The following KCND3 variants were observed in gnomAD, a reference collection of about 807,000 sequenced individuals.
KCND3 encodes the protein A-type voltage-gated potassium channel KCND3.
Under a neutral mutation model 51.1 loss-of-function variants are expected in KCND3, and 9 were observed. The ratio of observed to expected loss-of-function variants is 0.18; its 90% CI spans 0.11 to 0.31. KCND3 has a LOEUF of 0.31. Among genes scored for constraint, KCND3 ranks in the 10% least tolerant of loss-of-function variants. The pLI, the probability that KCND3 is intolerant of heterozygous loss-of-function variation, is 1.00. For synonymous variants in KCND3, 349 were observed against 368.0 expected, an observed-to-expected ratio of 0.95 and a Z score of 0.59; for missense variants, 526 against 903.8, an observed-to-expected ratio of 0.58 and a Z score of 5.36.
At chr1:111,923,450 G>C (rs536642633) in intron 2 of KCND3, among the ~76,000 whole-genome samples, 3 of 152,128 alleles carry the variant, frequency 2.0e-5, no homozygotes, top group Non-Finnish European at 4.4e-5. Flanking sequence ...ACTTCCTCTG[G>C]TTCTCCAACA....
In KCND3 at chr1:111,926,794, G is replaced by A. The variant is rs532134510; in HGVS notation, c.1106+54827C>T. 1.3e-3 allele frequency among the ~76,000 whole-genome samples: 195 copies of A among 152,370 alleles called. 2 individuals carry two copies. Among genetic ancestry groups the A allele is most frequent in the Middle Eastern group, 3.4e-3 (1 of 294 alleles). On this transcript the variant is annotated intron_variant, in intron 2 of 7. Transcript: ENST00000302127. Reference sequence around the variant, plus strand: ...GCTCGGGGCTGACGCAGGCAGCTGCGCGCACCTCACTGCTAGATCGTCAGC... The same window carrying A: ...GCTCGGGGCTGACGCAGGCAGCTGCACGCACCTCACTGCTAGATCGTCAGC...
chr1:111,936,196 G>A (rs1485035043), intron 2 of KCND3, among the ~76,000 whole-genome samples: 4 of 152,164 alleles, frequency 2.6e-5, no homozygotes, highest in Non-Finnish European at 4.4e-5. Flanking sequence ...CTGTGTCCGT[G>A]GGGAGCTTGC....
chr1:111,988,678 C>T (rs1675435841), intron 1 of KCND3: 2 of 152,208 alleles, frequency 1.3e-5, no homozygotes, highest in South Asian at 4.2e-4. Context: ...CATGCCTGGT[C>T]TTACAAACAG....
intron 2 of KCND3, among the ~76,000 whole-genome samples, chr1:111,861,566 G>A (rs565022968): frequency 1.4e-4 from 22 of 152,276 alleles, no homozygotes; most frequent in South Asian, 1.2e-3. Context: ...CTGTGTTTAC[G>A]GAGGGAAGCG....
chr1:111,874,494 C>T (rs1398819364), intron 2 of KCND3, among the ~76,000 whole-genome samples: 1 of 152,144 alleles, frequency 6.6e-6, no homozygotes, highest in African/African-American at 2.4e-5. Flanking sequence ...GGGCAGATCT[C>T]CATCTCGGGA....
intron 2 of KCND3, among the ~76,000 whole-genome samples, chr1:111,792,638 T>A (rs1323708011): frequency 6.6e-6 from 1 of 152,198 alleles, no homozygotes; most frequent in Non-Finnish European, 1.5e-5. Flanking sequence ...ACCTTGGCCA[T>A]GATACTTAAA....
intron 2 of KCND3, among the ~76,000 whole-genome samples, chr1:111,895,948 A>G (rs1670089298): frequency 6.6e-6 from 1 of 152,270 alleles, no homozygotes; most frequent in Non-Finnish European, 1.5e-5. Context: ...GAAGAAGTTC[A>G]GGAAGCAGTT....
At chr1:111,835,959 T>C (rs565998014) in intron 2 of KCND3, among the ~76,000 whole-genome samples, 1 of 152,360 alleles carries the variant, frequency 6.6e-6, no homozygotes, top group Admixed American at 6.5e-5. Flanking sequence ...TCAGAACCCC[T>C]TTCTGGTAAC....
intron 2 of KCND3, among the ~76,000 whole-genome samples, chr1:111,794,211 T>G (rs1320765116): frequency 5.3e-5 from 8 of 152,238 alleles, no homozygotes; most frequent in African/African-American, 1.9e-4. Context: ...GTATTAGGGC[T>G]TAGGGATAAT....
At chr1:111,860,547 C>T (rs977853569) in intron 2 of KCND3, among the ~76,000 whole-genome samples, 16 of 152,282 alleles carry the variant, frequency 1.1e-4, no homozygotes, top group Admixed American at 6.5e-4. Flanking sequence ...ACCCCCCCAA[C>T]TTGGGATTTA....
At chr1:111,779,933 C>T (rs1335565556) in intron 5 of KCND3, among the ~76,000 whole-genome samples, 3 of 152,176 alleles carry the variant, frequency 2.0e-5, no homozygotes. Context: ...TAGGCAGACC[C>T]CTAAGTCCTC....
At chr1:111,968,697 C>T (rs571178441) in intron 2 of KCND3, among the ~76,000 whole-genome samples, 182 of 152,278 alleles carry the variant, frequency 1.2e-3, no homozygotes, top group Non-Finnish European at 1.9e-3. Context: ...ATATGGCAGA[C>T]GGGGGAACCT....
chr1:111,797,249 C>T (rs1450009829), intron 2 of KCND3, among the ~76,000 whole-genome samples: 1 of 152,194 alleles, frequency 6.6e-6, no homozygotes, highest in Non-Finnish European at 1.5e-5. Flanking sequence ...TCTGTAGACT[C>T]ATAGCATGTC....
At chr1:111,949,245 G>C (rs1282818940) in intron 2 of KCND3, among the ~76,000 whole-genome samples, 1 of 152,182 alleles carries the variant, frequency 6.6e-6, no homozygotes, top group Non-Finnish European at 1.5e-5. Context: ...CGGGTGCCTT[G>C]GTTTCTCTTT....
In KCND3 at chr1:111,812,280, C is replaced by A. The variant is rs1266329739; in HGVS notation, c.1107-25174G>T. On this transcript the variant is annotated intron_variant, in intron 2 of 7. Coordinates refer to ENST00000302127, the MANE Select transcript of KCND3 (RefSeq NM_001378969.1). ...CACACCCTCAGGGCCAGCTGCCCAG[C>A]TGATTTTGCCTGTGGCCTCTGTGTG... Among the ~76,000 whole-genome samples, 4 of 152,160 alleles carry A rather than the reference C, an allele frequency of 2.6e-5. No homozygotes were observed. In the East Asian group the frequency reaches 7.7e-4, roughly 29 times the overall value.
chr1:111,856,234 G>A (rs35671041), intron 2 of KCND3, among the ~76,000 whole-genome samples: 4,821 of 152,290 alleles, frequency 0.032, 129 homozygotes, highest in East Asian at 0.15. Context: ...ATGTGGGGTG[G>A]GGAGATGTTT....
At chr1:111,931,009 G>C (rs1373923535) in intron 2 of KCND3, among the ~76,000 whole-genome samples, 5 of 152,230 alleles carry the variant, frequency 3.3e-5, no homozygotes, top group Admixed American at 2.6e-4. Flanking sequence ...TTGTGATGAA[G>C]GAAGCTGATC....
At chr1:111,956,715 C>T (rs969705808) in intron 2 of KCND3, among the ~76,000 whole-genome samples, 2 of 152,150 alleles carry the variant, frequency 1.3e-5, no homozygotes, top group Non-Finnish European at 2.9e-5. Flanking sequence ...CTTGGCTTCC[C>T]CAGAGAAAAG....
rs114326289 is a variant in KCND3, at chr1:111,840,205, C to T, written c.1107-53099G>A. On this transcript the variant is annotated intron_variant, in intron 2 of 7. Coordinates refer to ENST00000302127, the MANE Select transcript of KCND3 (RefSeq NM_001378969.1). ...ACCTAATCACTTCCTAGAGGCCCCACCTCTTAATAACTATAGCATTGGAAA... is the reference window on the plus strand; with the variant it reads ...ACCTAATCACTTCCTAGAGGCCCCATCTCTTAATAACTATAGCATTGGAAA... Among the ~76,000 whole-genome samples, 1,221 of 152,246 alleles carry T rather than the reference C, an allele frequency of 8.0e-3. 16 individuals carry two copies. Among genetic ancestry groups the T allele is most frequent in the African/African-American group, 0.028 (1,158 of 41,528 alleles).
Sources: gnomAD v4.1 joint callset for allele counts (sites outside exome capture counted in the v4.1 genomes callset) on GRCh38, gnomAD v4.1.1 for gene constraint, MANE v1.5 for transcripts, NCBI Gene and HGNC (gene_info 2026-07-23, HGNC 2026-07-21) for gene names.